The following CSMD1 variants were observed in gnomAD, a reference collection of about 807,000 sequenced individuals.
The protein encoded by CSMD1 is CUB and sushi domain-containing protein 1.
A neutral mutation model predicts 417.5 loss-of-function variants in CSMD1; 213 were observed. The observed-to-expected ratio is 0.51, with a 90% CI of 0.46 to 0.57. The LOEUF (loss-of-function observed/expected upper bound fraction) is 0.57. Ranked by LOEUF, CSMD1 falls within the 20% of genes least tolerant of loss-of-function variation. The probability of loss-of-function intolerance (pLI) is 0.00; values close to 1 mark genes in which losing one functional copy is unlikely to be tolerated. For synonymous variants in CSMD1, 2,862 were observed against 1,736.8 expected, an observed-to-expected ratio of 1.65 and a Z score of -16.11; for missense variants, 6,923 against 4,529.7, an observed-to-expected ratio of 1.53 and a Z score of -15.17.
chr8:3,538,997 G>C (rs1025867787), intron 10 of CSMD1, among the ~76,000 whole-genome samples: 2 of 152,166 alleles, frequency 1.3e-5, no homozygotes, highest in South Asian at 2.1e-4. Context: ...GCATCTCATT[G>C]AAGTGAAAAT....
intron 2 of CSMD1, among the ~76,000 whole-genome samples, chr8:4,481,339 G>C (rs958215336): frequency 4.6e-5 from 7 of 152,244 alleles, no homozygotes; most frequent in African/African-American, 9.6e-5. Flanking sequence ...AAAGTCTATA[G>C]CTTAATCTAT....
At chr8:3,784,373 A>C (rs1799333948) in intron 5 of CSMD1, among the ~76,000 whole-genome samples, 1 of 152,332 alleles carries the variant, frequency 6.6e-6, no homozygotes, top group East Asian at 1.9e-4. Context: ...AAACAATGAG[A>C]AATCACACGA....
At chr8:3,988,151 G>C (rs13252223) in intron 5 of CSMD1, among the ~76,000 whole-genome samples, 8,349 of 151,992 alleles carry the variant, frequency 0.055, 214 homozygotes, top group East Asian at 0.12. Flanking sequence ...TGGGCAGTTG[G>C]GCTGGTTCAG....
intron 5 of CSMD1, among the ~76,000 whole-genome samples, chr8:3,816,938 G>A (rs546853166): frequency 1.3e-5 from 2 of 152,108 alleles, no homozygotes; most frequent in South Asian, 4.2e-4. Flanking sequence ...ACTATTCTAG[G>A]CAGCGAATCA....
At chr8:3,290,753 C>T (rs530245823) in intron 25 of CSMD1, among the ~76,000 whole-genome samples, 2,147 of 146,804 alleles carry the variant, frequency 0.015, 61 homozygotes, top group Non-Finnish European at 0.019. Context: ...TCTAGATATA[C>T]AATCATGTCA....
At chr8:4,272,306 C>G (rs1357841826) in intron 3 of CSMD1, among the ~76,000 whole-genome samples, 1 of 152,102 alleles carries the variant, frequency 6.6e-6, no homozygotes, top group Non-Finnish European at 1.5e-5. Context: ...TTTTTCCTTG[C>G]CAATGTCATA....
intron 12 of CSMD1, among the ~76,000 whole-genome samples, chr8:3,439,311 T>TATATATATA (rs1563390619): frequency 8.3e-5 from 3 of 36,314 alleles, no homozygotes; most frequent in East Asian, 1.2e-3. Flanking sequence ...ATATATATAT[T>TATATATATA]TTTTTTTTTA....
chr8:3,535,279 A>G (rs1014783096), intron 10 of CSMD1, among the ~76,000 whole-genome samples: 8 of 152,130 alleles, frequency 5.3e-5, no homozygotes, highest in Non-Finnish European at 1.2e-4. Context: ...GACAGACGAC[A>G]CTGAAATAGT....
At position 4,410,139 on chromosome 8, in the gene CSMD1, T is replaced by C. The variant is rs982935348; in HGVS notation, c.415+9814A>G. Among the ~76,000 whole-genome samples, 33 of 152,284 alleles carry C rather than the reference T, an allele frequency of 2.2e-4. 1 individual carries two copies. The highest frequency in any genetic ancestry group is 7.2e-4 in the Admixed American group (11 of 15,284). On this transcript the variant is annotated intron_variant, in intron 3 of 69. Transcript: ENST00000635120. ...CCATACTTTATAATCTTTGAAGCCA[T>C]CTTCTAGGCTAATCTAGGCCAAATG...
intron 2 of CSMD1, among the ~76,000 whole-genome samples, chr8:4,593,476 A>G (rs1160699776): frequency 6.6e-6 from 1 of 152,216 alleles, no homozygotes; most frequent in Non-Finnish European, 1.5e-5. Flanking sequence ...AAAGTGAAAC[A>G]TAAAAGAGAA....
chr8:4,197,377 G>A (rs1350728274), intron 3 of CSMD1, among the ~76,000 whole-genome samples: 1 of 152,160 alleles, frequency 6.6e-6, no homozygotes, highest in Non-Finnish European at 1.5e-5. Context: ...GTGTGTCTGT[G>A]GTGGTGTTTT....
At chr8:3,039,361 CCTTTA>C (rs1372997925) in intron 50 of CSMD1, among the ~76,000 whole-genome samples, 2 of 146,696 alleles carry the variant, frequency 1.4e-5, no homozygotes, top group African/African-American at 5.3e-5. Context: ...CTTCCTTCCT[CCTTTA>C]CTTTCCTTTC....
intron 50 of CSMD1, among the ~76,000 whole-genome samples, chr8:3,046,767 A>C (rs1020861640): frequency 3.3e-5 from 5 of 152,244 alleles, no homozygotes; most frequent in Admixed American, 6.5e-5. Flanking sequence ...TGTGATGCCC[A>C]GCCACATCTG....
chr8:3,229,097 C>T (rs1258491526), intron 27 of CSMD1, among the ~76,000 whole-genome samples: 1 of 152,102 alleles, frequency 6.6e-6, no homozygotes, highest in Non-Finnish European at 1.5e-5. Context: ...TATCACAGCT[C>T]CCCAAGACCA....
At chr8:4,099,042 C>T (rs1179477919) in intron 3 of CSMD1, among the ~76,000 whole-genome samples, 2 of 152,174 alleles carry the variant, frequency 1.3e-5, no homozygotes, top group Non-Finnish European at 2.9e-5. Context: ...AATGTGGATG[C>T]ATGTGACACA....
intron 3 of CSMD1, among the ~76,000 whole-genome samples, chr8:4,355,324 C>CACAT (rs1801362053): frequency 8.3e-6 from 1 of 120,260 alleles, no homozygotes; most frequent in Non-Finnish European, 2.0e-5. Context: ...CACACACACA[C>CACAT]GCACACACAC....
chr8:4,568,085 G>C (rs992791323), intron 2 of CSMD1, among the ~76,000 whole-genome samples: 1 of 152,100 alleles, frequency 6.6e-6, no homozygotes, highest in Non-Finnish European at 1.5e-5. Context: ...GTTAATGCAA[G>C]AATAAAAATA....
rs202044154 is a variant in CSMD1, at chr8:3,532,698, CCAAA to C, written c.1345-38976_1345-38973del. ...AAAAAATAATATTCTCATCCTTATT[CCAAA>C]CAATTTGCTTAAAATAACACTTTCA... On this transcript the variant is annotated intron_variant, in intron 10 of 69. Transcript: ENST00000635120. Among the ~76,000 whole-genome samples the C allele has an allele frequency of 7.1e-3, 1,077 of 152,174 alleles. 14 individuals are homozygous for C. Among genetic ancestry groups the C allele is most frequent in the African/African-American group, 0.024 (996 of 41,514 alleles).
chr8:4,224,794 G>C (rs1319719219), intron 3 of CSMD1, among the ~76,000 whole-genome samples: 2 of 152,132 alleles, frequency 1.3e-5, no homozygotes, highest in African/African-American at 4.8e-5. Context: ...ATGTTAAAAT[G>C]TGTGTTCATA....
Sources: allele counts gnomAD v4.1 joint callset (sites outside exome capture counted in the v4.1 genomes callset), GRCh38; gene constraint gnomAD v4.1.1; transcripts MANE v1.5; gene names NCBI Gene and HGNC (gene_info 2026-07-23, HGNC 2026-07-21).